Variants in ANGPT4 observed in about 807,000 individuals in gnomAD.
The protein encoded by ANGPT4 is angiopoietin-4.
In ANGPT4, 50 loss-of-function variants were observed where a neutral mutation model predicts 53.0. The observed-to-expected ratio is 0.94, with a 90% CI of 0.75 to 1.20. The LOEUF (loss-of-function observed/expected upper bound fraction) is 1.20, where lower values mean the gene tolerates loss of function less well. Among genes scored for constraint, ANGPT4 ranks in the 50% most tolerant of loss-of-function variants. The pLI, the probability that ANGPT4 is intolerant of heterozygous loss-of-function variation, is 0.00. For missense variants in ANGPT4, 648 were observed against 637.1 expected, an observed-to-expected ratio of 1.02 and a Z score of -0.18; for synonymous variants, 251 against 259.7, an observed-to-expected ratio of 0.97 and a Z score of 0.32.
Position 890,432 on chromosome 20 carries a change from G to C in ANGPT4, c.310-64C>G. ...GGGGGAAGCCCCCTGTCCCTCCCAC[G>C]TGTCACCATGGGAGGGCACTGAGCA... On this transcript the variant is annotated intron_variant, in intron 1 of 8. Transcript: ENST00000381922. 1.5e-5 allele frequency: 22 copies of C among 1,491,292 alleles called. No homozygotes were observed. In the South Asian group the frequency reaches 2.6e-4, roughly 18 times the overall value. The allele number at this position is 1,491,292 out of a possible 1,614,324, so 92.4% of individuals were successfully genotyped here. A position where few individuals can be genotyped will look rare whatever the true frequency, so the allele number is the denominator to read the frequency against.
chr20:915,727 G>A (rs909282610), intron 1 of ANGPT4, among the ~76,000 whole-genome samples, 179 bp downstream of exon 1: 1 of 152,152 alleles, frequency 6.6e-6, no homozygotes, highest in Non-Finnish European at 1.5e-5. Context: ...GAGCCAGGTT[G>A]CCAGCTGACA....
rs75751302 is a variant in ANGPT4 at position 905,863 on chromosome 20, C to T, written c.309+10043G>A. Among the ~76,000 whole-genome samples, 290 of 152,336 alleles carry T rather than the reference C, an allele frequency of 1.9e-3. 8 individuals are homozygous for T. The East Asian group carries it at 0.047, about 25-fold the overall frequency. ...TCCCAGGCATGACCCCAAGGCCCTA[C>T]AAATACAGCTCATTTAGTCCTTGGT... On this transcript the variant is annotated intron_variant, in intron 1 of 8. Transcript: ENST00000381922.
intron 1 of ANGPT4, among the ~76,000 whole-genome samples, chr20:899,414 A>T (rs187560559): frequency 3.0e-4 from 45 of 151,514 alleles, no homozygotes; most frequent in Non-Finnish European, 5.2e-4. Flanking sequence ...CGCCTAGCTA[A>T]TTTTTTTGTA....
intron 1 of ANGPT4, among the ~76,000 whole-genome samples, chr20:904,622 G>C (rs770153366): frequency 6.6e-6 from 1 of 152,272 alleles, no homozygotes; most frequent in East Asian, 1.9e-4. Context: ...GAAATCACAC[G>C]TTTTTTTGGT....
At chr20:883,522 C>G (rs1981488096) in intron 4 of ANGPT4, among the ~76,000 whole-genome samples, 1 of 152,232 alleles carries the variant, frequency 6.6e-6, no homozygotes, top group Non-Finnish European at 1.5e-5. Flanking sequence ...TGCCCCATCT[C>G]CATCCAGCCC....
At chr20:891,777 A>C (rs991655939) in intron 1 of ANGPT4, among the ~76,000 whole-genome samples, 2 of 152,172 alleles carry the variant, frequency 1.3e-5, no homozygotes, top group Non-Finnish European at 2.9e-5. Context: ...AGTGTTTCAA[A>C]GGGAGCAAGT....
intron 1 of ANGPT4, among the ~76,000 whole-genome samples, chr20:895,722 C>T (rs1320372504): frequency 6.6e-6 from 1 of 152,152 alleles, no homozygotes; most frequent in African/African-American, 2.4e-5. Context: ...GCAGTGGACT[C>T]CATTGAGCAA....
intron 1 of ANGPT4, among the ~76,000 whole-genome samples, chr20:912,288 C>G (rs1017883005): frequency 6.6e-6 from 1 of 152,178 alleles, no homozygotes; most frequent in Admixed American, 6.5e-5. Context: ...TCTCTTGACC[C>G]CACATCAAAG....
intron 2 of ANGPT4, among the ~76,000 whole-genome samples, chr20:889,264 CAT>C (rs1981744039): frequency 6.6e-6 from 1 of 151,908 alleles, no homozygotes. Flanking sequence ...CATATGCAGA[CAT>C]GTGTTGCTTA....
At chr20:904,482 T>C (rs987110557) in intron 1 of ANGPT4, among the ~76,000 whole-genome samples, 2 of 142,356 alleles carry the variant, frequency 1.4e-5, no homozygotes, top group Non-Finnish European at 3.0e-5. Flanking sequence ...GCTGGGCCTG[T>C]AGGATGTTTC....
intron 2 of ANGPT4, among the ~76,000 whole-genome samples, chr20:888,642 A>C (rs1209124375): frequency 6.6e-6 from 1 of 152,124 alleles, no homozygotes; most frequent in Non-Finnish European, 1.5e-5. Context: ...CCATCACTGC[A>C]ATGGCAGCTC....
In ANGPT4 at chr20:872,712, G is replaced by C. The variant is rs1307443487; in HGVS notation, c.*248C>G. ...ACCCTCAGGCAGGGAGCCCCTGAAGGGGGAGGGAGAGAAGAGGGGCGAGGA... is the reference window on the plus strand; with the variant it reads ...ACCCTCAGGCAGGGAGCCCCTGAAGCGGGAGGGAGAGAAGAGGGGCGAGGA... On this transcript the variant is annotated 3_prime_UTR_variant, in exon 9 of 9. Coordinates refer to ENST00000381922, the MANE Select transcript of ANGPT4 (RefSeq NM_015985.4). The C allele has an allele frequency of 7.8e-6, 4 of 512,098 alleles. No homozygotes were observed. The highest frequency in any genetic ancestry group is 3.8e-5 in the African/African-American group (2 of 52,118). 31.7% of individuals were successfully genotyped at this position (512,098 alleles called of 1,614,324 possible).
At chr20:878,759 G>A (rs1158101141) in intron 6 of ANGPT4, among the ~76,000 whole-genome samples, 2 of 152,302 alleles carry the variant, frequency 1.3e-5, no homozygotes, top group East Asian at 3.9e-4. Context: ...TTAGACACAT[G>A]TACGTTAAAC....
intron 3 of ANGPT4, 42 bp downstream of exon 3, chr20:888,276 C>G: frequency 6.3e-7 from 1 of 1,591,450 alleles, no homozygotes; most frequent in Non-Finnish European, 8.5e-7. Context: ...TTGACTCCAG[C>G]CCCAGCCCCT....
At chr20:890,938 T>C (rs1334615705) in intron 1 of ANGPT4, among the ~76,000 whole-genome samples, 1 of 152,220 alleles carries the variant, frequency 6.6e-6, no homozygotes, top group Non-Finnish European at 1.5e-5. Context: ...GTTTCAGCTT[T>C]CTTCATACCA....
Position 916,199 on chromosome 20 carries a change from C to G in ANGPT4, c.16G>C (p.Ala6Pro). The change falls in exon 1 of 9, where the codon GCC (alanine) becomes CCC (proline). Residue 6 changes from alanine (A) to proline (P), a missense_variant. By Grantham distance (27) the Ala-to-Pro change is conservative. Transcript: ENST00000381922. Reference sequence around the variant, plus strand: ...AGGAGGAGGCTGCCCTGCAGCATGGCTAGCTGGGAGAGCATCTGAAGATGT... The same window carrying G: ...AGGAGGAGGCTGCCCTGCAGCATGGGTAGCTGGGAGAGCATCTGAAGATGT... MLSQL[A>P]MLQGSLLLVV... The G allele has an allele frequency of 6.2e-7, 1 of 1,612,878 alleles. No homozygotes were observed. Among genetic ancestry groups the G allele is most frequent in the South Asian group, 1.1e-5 (1 of 91,034 alleles).
At chr20:894,516 C>T (rs6118131) in intron 1 of ANGPT4, among the ~76,000 whole-genome samples, 2,894 of 152,256 alleles carry the variant, frequency 0.019, 84 homozygotes, top group African/African-American at 0.064. Flanking sequence ...TAGTCATGGA[C>T]TGCATGTGAG....
chr20:901,472 CT>C (rs1336237387), intron 1 of ANGPT4, among the ~76,000 whole-genome samples: 9 of 152,334 alleles, frequency 5.9e-5, no homozygotes, highest in African/African-American at 1.7e-4. Flanking sequence ...TCCTATAAAA[CT>C]GCCCCACCCC....
In ANGPT4 at chr20:878,284, A is replaced by C; in HGVS notation, c.1097T>G (p.Val366Gly). The C allele has an allele frequency of 6.2e-7, 1 of 1,610,862 alleles. No homozygotes were observed. Among genetic ancestry groups the C allele is most frequent in the Non-Finnish European group, 8.5e-7 (1 of 1,178,402 alleles). Reference protein sequence around the residue: ...PAGEHWLGNEVVHQLTRRAAY... With the variant: ...PAGEHWLGNEGVHQLTRRAAY... ...TGCCCTTCTGGTGAGCTGGTGCACC[A>C]CTTCATTGCCCAGCCAGTGCTCCCC... The change falls in exon 7 of 9, where the codon GTG becomes GGG. Residue 366 changes from valine (V) to glycine (G), a missense_variant. Physicochemically the swap from Val to Gly is moderately radical, Grantham distance 109 (BLOSUM62 -3). Coordinates refer to ENST00000381922, the MANE Select transcript of ANGPT4 (RefSeq NM_015985.4).
Sources: gnomAD v4.1 joint callset for allele counts (sites outside exome capture counted in the v4.1 genomes callset) on GRCh38, gnomAD v4.1.1 for gene constraint, MANE v1.5 for transcripts, NCBI Gene and HGNC (gene_info 2026-07-23, HGNC 2026-07-21) for gene names.